The following RSPRY1 variants were observed in gnomAD, a reference collection of about 807,000 sequenced individuals.
RSPRY1 encodes RING finger and SPRY domain-containing protein 1.
In RSPRY1, 23 loss-of-function variants were observed where a neutral mutation model predicts 73.1. That is an observed-to-expected ratio of 0.31 (90% confidence interval 0.23 to 0.45). RSPRY1 has a LOEUF of 0.45. Ranked by LOEUF, RSPRY1 falls within the 20% of genes least tolerant of loss-of-function variation. RSPRY1 has a pLI of 1.00. For missense variants in RSPRY1, 448 were observed against 698.7 expected, an observed-to-expected ratio of 0.64 and a Z score of 4.05; for synonymous variants, 226 against 251.4, an observed-to-expected ratio of 0.90 and a Z score of 0.95.
chr16:57,202,905 T>TA (rs1268503935), intron 1 of RSPRY1, among the ~76,000 whole-genome samples: 3 of 138,440 alleles, frequency 2.2e-5, no homozygotes, highest in Non-Finnish European at 4.7e-5. Flanking sequence ...TATATATATA[T>TA]ATCTGAAGAC....
intron 10 of RSPRY1, among the ~76,000 whole-genome samples, chr16:57,222,926 CG>C: frequency 6.6e-6 from 1 of 152,126 alleles, no homozygotes; most frequent in East Asian, 1.9e-4. Flanking sequence ...TTCATCTGCT[CG>C]ATGAAATTAT....
At chr16:57,229,951 C>T (rs2075185494) in intron 11 of RSPRY1, among the ~76,000 whole-genome samples, 1 of 148,972 alleles carries the variant, frequency 6.7e-6, no homozygotes, top group Admixed American at 6.7e-5. Context: ...ATGATCTGCC[C>T]ACCTCGGCCT....
intron 1 of RSPRY1, among the ~76,000 whole-genome samples, chr16:57,194,913 G>A (rs1257596700): frequency 1.3e-5 from 2 of 152,180 alleles, no homozygotes; most frequent in South Asian, 2.1e-4. Flanking sequence ...TAAAGACAGT[G>A]AGTACCAGAA....
chr16:57,207,156 G>A (rs987777388), intron 2 of RSPRY1, among the ~76,000 whole-genome samples: 2 of 152,178 alleles, frequency 1.3e-5, no homozygotes, highest in Non-Finnish European at 2.9e-5. Flanking sequence ...TTGGGTATAT[G>A]CATACTTAAT....
At chr16:57,203,389 A>G (rs2074662343) in intron 1 of RSPRY1, among the ~76,000 whole-genome samples, 1 of 152,218 alleles carries the variant, frequency 6.6e-6, no homozygotes, top group Non-Finnish European at 1.5e-5. Flanking sequence ...ATTCCTGGTC[A>G]GTGCTCAAGG....
intron 10 of RSPRY1, among the ~76,000 whole-genome samples, chr16:57,223,665 G>A (rs556260306): frequency 4.6e-5 from 7 of 152,226 alleles, no homozygotes; most frequent in South Asian, 2.1e-4. Context: ...CCAGCTACTC[G>A]GGAGGCTGAG....
intron 10 of RSPRY1, among the ~76,000 whole-genome samples, chr16:57,222,910 G>A (rs1268639711): frequency 6.6e-6 from 1 of 152,102 alleles, no homozygotes; most frequent in Non-Finnish European, 1.5e-5. Context: ...AGTGAAGCTG[G>A]ATCATTTCAT....
chr16:57,235,057 T>C (rs2075280386), intron 13 of RSPRY1, 67 bp from the exon 14 acceptor site: 2 of 1,113,110 alleles, frequency 1.8e-6, no homozygotes, highest in African/African-American at 1.5e-5. Flanking sequence ...TCAAAACATT[T>C]CATATGCATC....
chr16:57,231,253 C>G lies in RSPRY1; in HGVS notation c.1463C>G (p.Ser488Cys), dbSNP rs1410157997. 1.9e-6 allele frequency: 3 copies of G among 1,613,856 alleles called. No individual in the cohort carries two copies. The highest frequency in any genetic ancestry group is 1.7e-5 in the Admixed American group (1 of 60,020). Reference protein sequence around the residue: ...FGAKPFKYPPSMKFSTFNDYA... With the variant: ...FGAKPFKYPPCMKFSTFNDYA... ...GCAAAACCATTCAAATACCCACCAT[C>G]TATGAAATTTAGCACTTTTAATGAC... The change falls in exon 13 of 15, where the codon TCT (serine) becomes TGT (cysteine). Residue 488 changes from serine (S) to cysteine (C), a missense_variant. Transcript: ENST00000394420.
intron 10 of RSPRY1, chr16:57,224,418 AAG>A (rs1468570236): frequency 2.0e-5 from 3 of 152,240 alleles, no homozygotes; most frequent in African/African-American, 7.2e-5. Context: ...CCACGTGGGA[AAG>A]AGACTCAAAC....
chr16:57,198,794 T>C (rs992154237), intron 1 of RSPRY1, among the ~76,000 whole-genome samples: 14 of 152,200 alleles, frequency 9.2e-5, no homozygotes, highest in African/African-American at 2.4e-4. Context: ...TTGTTTCCCA[T>C]CCCACCTTCA....
chr16:57,199,407 A>G lies in RSPRY1; in HGVS notation c.-155-5097A>G, dbSNP rs1409297519. ...CTCAGGAGGCTGAGGCAGGAGAATC[A>G]CTTGAACGTGGGAGGCAGAGGTTGC... On this transcript the variant is annotated intron_variant, in intron 1 of 14. Transcript: ENST00000394420. 2.0e-5 allele frequency among the ~76,000 whole-genome samples: 3 copies of G among 152,124 alleles called. No individual in the cohort carries two copies. The East Asian group carries it at 5.8e-4, about 29-fold the overall frequency.
At chr16:57,204,483 C>T (rs1435764497) in intron 1 of RSPRY1, 21 bp from the exon 2 acceptor site, 32 of 603,990 alleles carry the variant, frequency 5.3e-5, no homozygotes, top group Non-Finnish European at 7.3e-5. Context: ...ATTCATTTTC[C>T]TTTTTCTCAT....
chr16:57,234,710 T>A (rs1257988146), intron 13 of RSPRY1, among the ~76,000 whole-genome samples: 1 of 152,270 alleles, frequency 6.6e-6, no homozygotes, highest in Non-Finnish European at 1.5e-5. Context: ...TGAACTGTTA[T>A]AAACCCCTTG....
intron 5 of RSPRY1, 113 bp from the exon 6 acceptor site, chr16:57,213,775 C>T: frequency 1.2e-6 from 1 of 813,024 alleles, no homozygotes; most frequent in Non-Finnish European, 2.1e-6. Context: ...GAGCAGGAGG[C>T]TTTAATAAGA....
At chr16:57,222,167 C>G (rs553979418) in intron 10 of RSPRY1, among the ~76,000 whole-genome samples, 4 of 152,300 alleles carry the variant, frequency 2.6e-5, no homozygotes, top group East Asian at 3.9e-4. Context: ...AATAGCCCCC[C>G]CCTCCAATAT....
chr16:57,239,148 A>C lies in RSPRY1; in HGVS notation c.*173A>C. 1 of 373,220 alleles carries C rather than the reference A, an allele frequency of 2.7e-6. No individual in the cohort carries two copies. Among genetic ancestry groups the C allele is most frequent in the Non-Finnish European group, 4.8e-6 (1 of 207,582 alleles). The allele number at this position is 373,220 out of a possible 1,614,324, so 23.1% of individuals were successfully genotyped here. A position where few individuals can be genotyped will look rare whatever the true frequency, so the allele number is the denominator to read the frequency against. On this transcript the variant is annotated 3_prime_UTR_variant, in exon 15 of 15. Coordinates refer to ENST00000394420, the MANE Select transcript of RSPRY1 (RefSeq NM_133368.3). ...AAAGACAAAATTCTCTTAGAATCTA[A>C]TCCAACTTGCCAGCCCTGAGAAAAT...
At chr16:57,228,147 C>A (rs117154602) in intron 11 of RSPRY1, among the ~76,000 whole-genome samples, 5,183 of 152,020 alleles carry the variant, frequency 0.034, 131 homozygotes, top group Admixed American at 0.059. Flanking sequence ...GTGGCACCCA[C>A]CTGCGGTCCC....
intron 1 of RSPRY1, among the ~76,000 whole-genome samples, chr16:57,197,691 G>A (rs1325150884): frequency 1.3e-5 from 2 of 151,968 alleles, no homozygotes; most frequent in South Asian, 4.2e-4. Flanking sequence ...TCTTACCTTC[G>A]TATTTAGTCA....
Sources: allele counts gnomAD v4.1 joint callset (sites outside exome capture counted in the v4.1 genomes callset), GRCh38; gene constraint gnomAD v4.1.1; transcripts MANE v1.5; gene names NCBI Gene and HGNC (gene_info 2026-07-23, HGNC 2026-07-21).